Variants in NAV2 observed in about 807,000 individuals in gnomAD.
The protein encoded by NAV2 is helicase, APC down-regulated 1.
Under a neutral mutation model 223.2 loss-of-function variants are expected in NAV2, and 54 were observed. The ratio of observed to expected loss-of-function variants is 0.24; its 90% CI spans 0.19 to 0.30. NAV2 has a LOEUF of 0.30. NAV2 is among the 10% of genes least tolerant of loss of function. The pLI is 1.00. For missense variants in NAV2, 2,806 were observed against 3,147.5 expected (o/e 0.89, Z 2.60); for synonymous variants, 1,279 against 1,239.3 (o/e 1.03, Z -0.67).
At chr11:19,460,730 A>G (rs987542421) in intron 1 of NAV2, among the ~76,000 whole-genome samples, 2 of 152,076 alleles carry the variant, frequency 1.3e-5, no homozygotes, top group African/African-American at 4.8e-5. Flanking sequence ...TGGCACATGT[A>G]TACATATGTA....
chr11:20,056,215 A>T (rs2153612811), intron 19 of NAV2, among the ~76,000 whole-genome samples: 1 of 152,306 alleles, frequency 6.6e-6, no homozygotes, highest in Admixed American at 6.5e-5. Context: ...GAGCTGACTG[A>T]GGTCCGCTTT....
chr11:19,450,037 C>A (rs924299476), intron 1 of NAV2, among the ~76,000 whole-genome samples: 6 of 152,156 alleles, frequency 3.9e-5, no homozygotes, highest in African/African-American at 1.2e-4. Context: ...ACCACTGGGA[C>A]CTCATTTTAA....
intron 1 of NAV2, among the ~76,000 whole-genome samples, chr11:19,637,411 C>T (rs568176122): frequency 2.0e-5 from 3 of 152,356 alleles, no homozygotes; most frequent in Admixed American, 6.5e-5. Context: ...GAATCCCTGA[C>T]ATATTTCTTC....
intron 6 of NAV2, among the ~76,000 whole-genome samples, chr11:19,895,104 C>CTTTTTTTTTTTTTTTTTTTTTTTTTTTTT (rs71050690): frequency 1.0e-5 from 1 of 99,208 alleles, no homozygotes; most frequent in Non-Finnish European, 1.9e-5. Context: ...CTTTTTCTTT[C>CTTTTTTTTTTTTTTTTTTTTTTTTTTTTT]TTTTTTTTTT....
chr11:19,945,155 C>T (rs1318713973), intron 8 of NAV2, among the ~76,000 whole-genome samples: 24 of 10,508 alleles, frequency 2.3e-3, no homozygotes, highest in East Asian at 9.4e-3. Flanking sequence ...CTTTCTGTCT[C>T]CCTTCCCTTC....
At chr11:19,592,114 C>T (rs2046078681) in intron 1 of NAV2, among the ~76,000 whole-genome samples, 2 of 152,148 alleles carry the variant, frequency 1.3e-5, no homozygotes. Context: ...CATAGAGGCA[C>T]CCATATTCAT....
At chr11:20,043,941 G>A in intron 12 of NAV2, 40 bp from the exon 13 acceptor site, 1 of 1,585,386 alleles carries the variant, frequency 6.3e-7, no homozygotes, top group Non-Finnish European at 8.6e-7. Flanking sequence ...TCCCAGCCTG[G>A]GACTGGGGAA....
At chr11:19,743,083 G>C (rs922437316) in intron 1 of NAV2, among the ~76,000 whole-genome samples, 3 of 152,276 alleles carry the variant, frequency 2.0e-5, no homozygotes, top group African/African-American at 7.2e-5. Flanking sequence ...GTGTAGCCTT[G>C]GTTCAAATTC....
At chr11:19,539,983 C>A (rs141343274) in intron 1 of NAV2, among the ~76,000 whole-genome samples, 14 of 152,270 alleles carry the variant, frequency 9.2e-5, no homozygotes, top group African/African-American at 2.9e-4. Flanking sequence ...CCCATCAGTG[C>A]CAATGGGAGT....
chr11:19,778,106 C>G (rs554114666), intron 1 of NAV2: 1 of 403,218 alleles, frequency 2.5e-6, no homozygotes, highest in Non-Finnish European at 5.0e-6. Flanking sequence ...AAATAACCGC[C>G]TATCAGTCCC....
intron 1 of NAV2, among the ~76,000 whole-genome samples, chr11:19,586,795 G>T (rs996244649): frequency 6.6e-6 from 1 of 152,354 alleles, no homozygotes; most frequent in Non-Finnish European, 1.5e-5. Flanking sequence ...CCTACTGGGG[G>T]GTGCCTCCCA....
chr11:19,752,980 T>G (rs1256726257), intron 1 of NAV2, among the ~76,000 whole-genome samples: 1 of 152,124 alleles, frequency 6.6e-6, no homozygotes, highest in Non-Finnish European at 1.5e-5. Context: ...GATGGCATTA[T>G]TGCTCTTATA....
rs143492565 is a variant in NAV2 at position 19,365,391 on chromosome 11, C to T, written c.75+14364C>T. Among the ~76,000 whole-genome samples, 50 of 152,362 alleles carry T rather than the reference C, an allele frequency of 3.3e-4. No individual in the cohort carries two copies. In the East Asian group the frequency reaches 8.9e-3, roughly 27 times the overall value. ...GAATCACCTGTGGCTTAACAGCATGCACTGTGGTCAAAATGATGAAAGTCC... is the reference window on the plus strand; with the variant it reads ...GAATCACCTGTGGCTTAACAGCATGTACTGTGGTCAAAATGATGAAAGTCC... On this transcript the variant is annotated intron_variant, in intron 1 of 37. Transcript: ENST00000360655.
chr11:19,521,295 T>G (rs1019099717), intron 1 of NAV2, among the ~76,000 whole-genome samples: 4 of 152,034 alleles, frequency 2.6e-5, no homozygotes, highest in Non-Finnish European at 5.9e-5. Context: ...ACACCAGGCT[T>G]CCTCTTGGAG....
intron 1 of NAV2, among the ~76,000 whole-genome samples, chr11:19,395,197 G>C (rs117997620): frequency 6.6e-6 from 1 of 152,356 alleles, no homozygotes; most frequent in East Asian, 1.9e-4. Context: ...GGCTACACCT[G>C]AGTGGGCGCA....
At chr11:19,720,505 T>A (rs964569097) in intron 1 of NAV2, among the ~76,000 whole-genome samples, 1 of 152,162 alleles carries the variant, frequency 6.6e-6, no homozygotes, top group African/African-American at 2.4e-5. Context: ...TCAGTGAATT[T>A]TGGGTTATTC....
chr11:19,927,094 C>T (rs771578423), intron 6 of NAV2, among the ~76,000 whole-genome samples: 3 of 152,212 alleles, frequency 2.0e-5, no homozygotes, highest in Non-Finnish European at 2.9e-5. Flanking sequence ...CCCTCCCAAC[C>T]GGAGGATTAA....
In NAV2 at chr11:20,092,300, C is replaced by G. The variant is rs146850845; in HGVS notation, c.5747C>G (p.Ser1916Cys). Residue 1916 changes from serine (S) to cysteine (C), a missense_variant, in exon 28 of 38, where the codon TCT (serine) becomes TGT (cysteine). Ser to Cys is a moderately radical substitution (Grantham distance 112). This residue lies in a region of NAV2 where 824 missense variants were observed against 1,069.4 expected (regional missense o/e 0.77). Coordinates refer to ENST00000349880, the MANE Select transcript of NAV2 (RefSeq NM_145117.5). ...CGGGCTCCTTCCCAAGTGTCCATCT[C>G]TGCCTCCCCGAGGCAGTCCATGGGC... is the stretch of plus-strand genomic sequence containing the variant. ...CSRAPSQVSISASPRQSMGLS... is the reference protein window; with the variant it reads ...CSRAPSQVSICASPRQSMGLS... 100 of 1,614,194 alleles carry G rather than the reference C, an allele frequency of 6.2e-5. No homozygotes were observed. In the African/African-American group the frequency reaches 1.2e-3, roughly 19 times the overall value.
At chr11:19,910,383 C>CA (rs2153220040) in intron 6 of NAV2, among the ~76,000 whole-genome samples, 1 of 152,208 alleles carries the variant, frequency 6.6e-6, no homozygotes, top group South Asian at 2.1e-4. Flanking sequence ...TCCAGGCAGT[C>CA]AGAGTCATGG....
Sources: gnomAD v4.1 joint callset for allele counts (sites outside exome capture counted in the v4.1 genomes callset) on GRCh38, gnomAD v4.1.1 for gene constraint, gnomAD v4.1.1 regional missense constraint, MANE v1.5 for transcripts, NCBI Gene and HGNC (gene_info 2026-07-23, HGNC 2026-07-21) for gene names.